DSCAM: variants seen among roughly 807,000 people sequenced by gnomAD.
DSCAM encodes DS cell adhesion molecule.
In DSCAM, 47 loss-of-function variants were observed where a neutral mutation model predicts 217.7. The ratio of observed to expected loss-of-function variants is 0.22; its 90% CI spans 0.17 to 0.28. The LOEUF (loss-of-function observed/expected upper bound fraction) is 0.28, where lower values mean the gene tolerates loss of function less well. Among genes scored for constraint, DSCAM ranks in the 10% least tolerant of loss-of-function variants. The pLI, the probability that DSCAM is intolerant of heterozygous loss-of-function variation, is 1.00. For missense variants in DSCAM, 2,080 were observed against 2,618.3 expected (o/e 0.79, Z 4.49); for synonymous variants, 1,056 against 1,015.3 (o/e 1.04, Z -0.76).
At chr21:40,349,269 T>C (rs1285624559) in intron 5 of DSCAM, among the ~76,000 whole-genome samples, 2 of 151,222 alleles carry the variant, frequency 1.3e-5, no homozygotes, top group African/African-American at 4.9e-5. Context: ...CTCACACACA[T>C]GTATGACATA....
intron 3 of DSCAM, among the ~76,000 whole-genome samples, chr21:40,544,916 CAAA>C (rs376609606): frequency 7.7e-6 from 1 of 130,638 alleles, no homozygotes. Flanking sequence ...TAAAAGTTTC[CAAA>C]AAAAAAAAAA....
chr21:40,732,434 A>T (rs968987602), intron 1 of DSCAM, among the ~76,000 whole-genome samples: 10 of 152,340 alleles, frequency 6.6e-5, no homozygotes, highest in African/African-American at 2.4e-4. Flanking sequence ...TCTCTTACTC[A>T]TTCCAATTAA....
chr21:40,628,706 TATCTATCTATCTATC>T (rs1470240315), intron 3 of DSCAM, among the ~76,000 whole-genome samples: 1 of 8,880 alleles, frequency 1.1e-4, no homozygotes, highest in East Asian at 1.7e-3. Context: ...TCTATCTATC[TATCTATCTATCTATC>T]TATCTATCTA....
chr21:40,109,754 C>G (rs1254309506), intron 20 of DSCAM, among the ~76,000 whole-genome samples: 2 of 152,174 alleles, frequency 1.3e-5, no homozygotes, highest in Non-Finnish European at 2.9e-5. Context: ...TAGCAAACGG[C>G]ACACCAGGAG....
chr21:40,311,313 TA>T (rs1309501174), intron 9 of DSCAM, among the ~76,000 whole-genome samples: 3 of 152,220 alleles, frequency 2.0e-5, no homozygotes, highest in African/African-American at 7.2e-5. Flanking sequence ...TGGAGAATCA[TA>T]AACATCACAG....
intron 3 of DSCAM, among the ~76,000 whole-genome samples, chr21:40,490,737 C>A (rs575187990): frequency 6.6e-6 from 1 of 152,200 alleles, no homozygotes; most frequent in East Asian, 1.9e-4. Flanking sequence ...TCCCCACATT[C>A]TCTCCCACTG....
intron 1 of DSCAM, among the ~76,000 whole-genome samples, chr21:40,769,372 C>T (rs2091424798): frequency 6.6e-6 from 1 of 152,200 alleles, no homozygotes; most frequent in African/African-American, 2.4e-5. Flanking sequence ...TCAAAGCTGG[C>T]CAGCTGTGCT....
intron 3 of DSCAM, among the ~76,000 whole-genome samples, chr21:40,601,889 T>C (rs567694942): frequency 7.3e-4 from 111 of 152,264 alleles, no homozygotes; most frequent in Middle Eastern, 3.4e-3. Context: ...TTATTCTTTT[T>C]ATACATTGTT....
At chr21:40,257,469 A>AACACACACACAC (rs141911963) in intron 11 of DSCAM, among the ~76,000 whole-genome samples, 2,292 of 144,622 alleles carry the variant, frequency 0.016, 34 homozygotes, top group African/African-American at 0.033. Flanking sequence ...GTATTTGCTG[A>AACACACACACAC]ACACACACAC....
chr21:40,536,569 T>A (rs1374759027), intron 3 of DSCAM, among the ~76,000 whole-genome samples: 2 of 151,888 alleles, frequency 1.3e-5, no homozygotes, highest in Non-Finnish European at 2.9e-5. Context: ...GCCTGGCTAA[T>A]TTTTATTTTT....
At chr21:40,661,907 T>C (rs1443733226) in intron 3 of DSCAM, among the ~76,000 whole-genome samples, 1 of 152,232 alleles carries the variant, frequency 6.6e-6, no homozygotes, top group African/African-American at 2.4e-5. Context: ...AATAATATAG[T>C]AAATTAACAT....
intron 27 of DSCAM, among the ~76,000 whole-genome samples, chr21:40,069,725 A>G (rs2089263131): frequency 6.6e-6 from 1 of 152,162 alleles, no homozygotes; most frequent in Non-Finnish European, 1.5e-5. Context: ...CTCTCCCTCA[A>G]CAGTCCCTGC....
intron 3 of DSCAM, among the ~76,000 whole-genome samples, chr21:40,376,158 GC>G (rs1569092463): frequency 6.6e-6 from 1 of 152,090 alleles, no homozygotes; most frequent in African/African-American, 2.4e-5. Context: ...AGATGGCTCT[GC>G]TAATAAGATG....
intron 3 of DSCAM, among the ~76,000 whole-genome samples, chr21:40,570,542 A>G (rs1167287140): frequency 6.6e-6 from 1 of 152,272 alleles, no homozygotes; most frequent in African/African-American, 2.4e-5. Context: ...CCATGTTTAA[A>G]AGATAACTCA....
chr21:40,794,373 A>G (rs976572532), intron 1 of DSCAM, among the ~76,000 whole-genome samples: 1 of 152,168 alleles, frequency 6.6e-6, no homozygotes, highest in Non-Finnish European at 1.5e-5. Context: ...TTTGGCAACA[A>G]TAGAAGTGGC....
At chr21:40,536,636 G>C (rs1017479492) in intron 3 of DSCAM, among the ~76,000 whole-genome samples, 1 of 152,084 alleles carries the variant, frequency 6.6e-6, no homozygotes, top group African/African-American at 2.4e-5. Flanking sequence ...TCGATCTCCT[G>C]ACCTCGTGAT....
chr21:40,700,784 T>C (rs959979685), intron 2 of DSCAM, among the ~76,000 whole-genome samples: 1 of 151,186 alleles, frequency 6.6e-6, no homozygotes, highest in Non-Finnish European at 1.5e-5. Context: ...TCACACAGGC[T>C]GGAATGCAGT....
intron 4 of DSCAM, among the ~76,000 whole-genome samples, chr21:40,359,604 G>C (rs2074735514): frequency 6.6e-6 from 1 of 152,186 alleles, no homozygotes; most frequent in Non-Finnish European, 1.5e-5. Context: ...ATAACCAAAT[G>C]CAGTATTTAC....
At chr21:40,575,719 T>C (rs990061200) in intron 3 of DSCAM, among the ~76,000 whole-genome samples, 1 of 151,920 alleles carries the variant, frequency 6.6e-6, no homozygotes, top group Admixed American at 6.6e-5. Context: ...GTAGGCAGGC[T>C]ACAAATTAAA....
Sources: allele counts gnomAD v4.1 joint callset (sites outside exome capture counted in the v4.1 genomes callset), GRCh38; gene constraint gnomAD v4.1.1; transcripts MANE v1.5; gene names NCBI Gene and HGNC (gene_info 2026-07-23, HGNC 2026-07-21).